Variants in DOCK7 observed in about 807,000 individuals in gnomAD.
The protein encoded by DOCK7 is dedicator of cytokinesis 7.
DOCK7 carries 138 observed loss-of-function variants against 271.0 expected under a neutral mutation model. The observed-to-expected ratio is 0.51, with a 90% CI of 0.44 to 0.59. DOCK7 has a LOEUF of 0.59. Among genes scored for constraint, DOCK7 ranks in the 20% least tolerant of loss-of-function variants. The probability of loss-of-function intolerance (pLI) is 0.00; values close to 1 mark genes in which losing one functional copy is unlikely to be tolerated. For synonymous variants in DOCK7, 823 were observed against 876.1 expected, an observed-to-expected ratio of 0.94 and a Z score of 1.07; for missense variants, 2,066 against 2,592.4, an observed-to-expected ratio of 0.80 and a Z score of 4.41.
At chr1:62,601,374 G>T (rs1348466765) in intron 14 of DOCK7, among the ~76,000 whole-genome samples, 1 of 151,590 alleles carries the variant, frequency 6.6e-6, no homozygotes, top group African/African-American at 2.4e-5. Flanking sequence ...GACAATCAGA[G>T]AAATACAAAT....
At position 62,633,647 on chromosome 1, in the gene DOCK7, G is replaced by A. The variant is rs909861515; in HGVS notation, c.1036-69C>T. 3.7e-5 allele frequency: 39 copies of A among 1,051,432 alleles called. 1 individual carries two copies. Among genetic ancestry groups the A allele is most frequent in the African/African-American group, 3.6e-4 (23 of 63,108 alleles). The allele number at this position is 1,051,432 out of a possible 1,614,324, so 65.1% of individuals were successfully genotyped here. On this transcript the variant is annotated intron_variant, in intron 9 of 49. Transcript: ENST00000635253. ...GAAATTCAAGGATGGTTCAATATAC[G>A]AAAATCAATATAACACATTAACAGA...
At chr1:62,578,300 C>A (rs1004470589) in intron 17 of DOCK7, among the ~76,000 whole-genome samples, 3 of 152,098 alleles carry the variant, frequency 2.0e-5, no homozygotes, top group Admixed American at 1.3e-4. Flanking sequence ...AGTGTTTATA[C>A]GTGTTAGTCA....
chr1:62,476,397 G>C (rs139540647), intron 44 of DOCK7, among the ~76,000 whole-genome samples: 45 of 152,090 alleles, frequency 3.0e-4, no homozygotes, highest in African/African-American at 1.1e-3. Context: ...CAAAATATCA[G>C]AAAACAACAA....
chr1:62,476,313 A>G, intron 44 of DOCK7, 157 bp from the exon 45 acceptor site: 1 of 544,022 alleles, frequency 1.8e-6, no homozygotes, highest in East Asian at 2.9e-5. Context: ...CAAAAATTAT[A>G]CTAGCTTATA....
In DOCK7 at chr1:62,510,661, G is replaced by C. The variant is rs751371611; in HGVS notation, c.4295C>G (p.Ser1432Cys). 1 of 1,612,746 alleles carries C rather than the reference G, an allele frequency of 6.2e-7. No homozygotes were observed. The highest frequency in any genetic ancestry group is 8.5e-7 in the Non-Finnish European group (1 of 1,179,394). ...TIASPPERSPSGSAFGSQENL... is the reference protein window; with the variant it reads ...TIASPPERSPCGSAFGSQENL... Reference sequence around the variant, plus strand: ...TTCTTGACTTCCAAAGGCACTTCCAGATGGGCTTCTCTCTGTCAAATAAAT... The same window carrying C: ...TTCTTGACTTCCAAAGGCACTTCCACATGGGCTTCTCTCTGTCAAATAAAT... The change falls in exon 34 of 50, where the codon TCT (serine) becomes TGT (cysteine). Residue 1432 changes from serine (S) to cysteine (C), a missense_variant. Coordinates refer to ENST00000635253, the MANE Select transcript of DOCK7 (RefSeq NM_001367561.1).
chr1:62,463,885 G>T (rs1306494462), intron 48 of DOCK7, among the ~76,000 whole-genome samples: 3 of 152,032 alleles, frequency 2.0e-5, no homozygotes, highest in Non-Finnish European at 4.4e-5. Flanking sequence ...GTCATGCTTG[G>T]TTTCTTAGGC....
chr1:62,626,699 T>A (rs1417052321), intron 11 of DOCK7, among the ~76,000 whole-genome samples: 1 of 151,890 alleles, frequency 6.6e-6, no homozygotes, highest in African/African-American at 2.4e-5. Flanking sequence ...TAAAACTGAC[T>A]CAAGATGAAA....
At chr1:62,536,155 C>T (rs1239635641) in intron 28 of DOCK7, among the ~76,000 whole-genome samples, 1 of 151,974 alleles carries the variant, frequency 6.6e-6, no homozygotes, top group Non-Finnish European at 1.5e-5. Context: ...TTATAGCATT[C>T]TCCAAGATAC....
intron 14 of DOCK7, among the ~76,000 whole-genome samples, chr1:62,618,325 A>G (rs906928515): frequency 2.8e-4 from 42 of 152,278 alleles, no homozygotes; most frequent in African/African-American, 9.9e-4. Context: ...TTGAGAAAAC[A>G]TAGTAATTAG....
Position 62,455,153 on chromosome 1 carries a change from G to T in DOCK7, c.*261C>A, listed in dbSNP as rs879178909. ...GAATAAATTTTTAACCTTAGCTATGGTATAAATAATGGTAAATGTATAGTG... is the reference window on the plus strand; with the variant it reads ...GAATAAATTTTTAACCTTAGCTATGTTATAAATAATGGTAAATGTATAGTG... On this transcript the variant is annotated 3_prime_UTR_variant, in exon 50 of 50. Coordinates refer to ENST00000635253, the MANE Select transcript of DOCK7 (RefSeq NM_001367561.1). 5.2e-6 allele frequency: 3 copies of T among 571,566 alleles called. 1 individual carries two copies. In the South Asian group the frequency reaches 7.1e-5, roughly 13 times the overall value. The allele number at this position is 571,566 out of a possible 1,614,324, so 35.4% of individuals were successfully genotyped here. A position where few individuals can be genotyped will look rare whatever the true frequency, so the allele number is the denominator to read the frequency against.
In DOCK7 at chr1:62,659,359, A is replaced by G. The variant is rs554993595; in HGVS notation, c.144+3666T>C. ...ACCAATACTGTGATAAGTCATGGAT[A>G]TAACACAATACCTTGTGCAGCCACT... On this transcript the variant is annotated intron_variant, in intron 2 of 49. Coordinates refer to ENST00000635253, the MANE Select transcript of DOCK7 (RefSeq NM_001367561.1). 2.0e-4 allele frequency among the ~76,000 whole-genome samples: 31 copies of G among 152,324 alleles called. No individual in the cohort carries two copies. The South Asian group carries it at 6.0e-3, about 30-fold the overall frequency.
chr1:62,583,088 T>C, intron 16 of DOCK7, 96 bp downstream of exon 16: 1 of 995,298 alleles, frequency 1.0e-6, no homozygotes, highest in Admixed American at 2.0e-5. Flanking sequence ...TTTGGCACAT[T>C]TAGTGCAGCA....
chr1:62,664,405 C>T (rs1185111689), intron 1 of DOCK7, among the ~76,000 whole-genome samples: 1 of 152,144 alleles, frequency 6.6e-6, no homozygotes, highest in Non-Finnish European at 1.5e-5. Flanking sequence ...GCTTGGCTCT[C>T]ATTCTCTCCA....
intron 29 of DOCK7, among the ~76,000 whole-genome samples, chr1:62,529,697 T>C (rs1645118585): frequency 1.3e-5 from 2 of 152,166 alleles, no homozygotes; most frequent in African/African-American, 4.8e-5. Flanking sequence ...TAGAAGTAAA[T>C]CTGAATATTT....
intron 29 of DOCK7, among the ~76,000 whole-genome samples, chr1:62,531,056 C>T (rs1484882479): frequency 6.6e-6 from 1 of 152,198 alleles, no homozygotes; most frequent in Non-Finnish European, 1.5e-5. Flanking sequence ...AGATCTCATT[C>T]TCCAGCTCCA....
intron 35 of DOCK7, among the ~76,000 whole-genome samples, chr1:62,506,676 A>G (rs1000465690): frequency 6.6e-6 from 1 of 151,616 alleles, no homozygotes; most frequent in East Asian, 2.0e-4. Flanking sequence ...GGCTGGGTGC[A>G]GTGGCTCACG....
chr1:62,485,385 C>T (rs1646263509), intron 43 of DOCK7: 1 of 985,066 alleles, frequency 1.0e-6, no homozygotes, highest in African/African-American at 1.7e-5. Flanking sequence ...TTTGCCAACT[C>T]AAATAATTTG....
chr1:62,587,734 A>G lies in DOCK7; in HGVS notation c.1683-1110T>C, dbSNP rs986549116. Among the ~76,000 whole-genome samples the G allele has an allele frequency of 1.1e-4, 17 of 152,238 alleles. 1 individual carries two copies. The highest frequency in any genetic ancestry group is 3.9e-4 in the African/African-American group (16 of 41,556). ...AGAGATACCTAGCATGTTGAATGGG[A>G]TATACAGTGAGGAAGAAGCAGGTTC... On this transcript the variant is annotated intron_variant, in intron 14 of 49. Coordinates refer to ENST00000635253, the MANE Select transcript of DOCK7 (RefSeq NM_001367561.1).
At chr1:62,508,384 T>C (rs551312330) in intron 34 of DOCK7, among the ~76,000 whole-genome samples, 1 of 152,316 alleles carries the variant, frequency 6.6e-6, no homozygotes, top group South Asian at 2.1e-4. Context: ...GGCTTGTATT[T>C]AGGACTGCTT....
Sources: allele counts gnomAD v4.1 joint callset (sites outside exome capture counted in the v4.1 genomes callset), GRCh38; gene constraint gnomAD v4.1.1; transcripts MANE v1.5; gene names NCBI Gene and HGNC (gene_info 2026-07-23, HGNC 2026-07-21).